The following SYT1 variants were observed in gnomAD, a reference collection of about 807,000 sequenced individuals.
SYT1 encodes synaptotagmin-1.
A neutral mutation model predicts 44.8 loss-of-function variants in SYT1; 8 were observed. The ratio of observed to expected loss-of-function variants is 0.18; its 90% CI spans 0.10 to 0.32. SYT1 has a LOEUF of 0.32. Ranked by LOEUF, SYT1 falls within the 10% of genes least tolerant of loss-of-function variation. SYT1 has a pLI of 1.00. For missense variants in SYT1, 286 were observed against 509.3 expected (o/e 0.56, Z 4.22); for synonymous variants, 154 against 188.8 (o/e 0.82, Z 1.51).
At chr12:78,973,000 C>G (rs61928067) in intron 1 of SYT1, among the ~76,000 whole-genome samples, 1 of 152,144 alleles carries the variant, frequency 6.6e-6, no homozygotes, top group South Asian at 2.1e-4. Flanking sequence ...TTAGGACAAA[C>G]GTATTTTGCT....
At chr12:79,018,918 A>G (rs1473655525) in intron 2 of SYT1, among the ~76,000 whole-genome samples, 1 of 152,068 alleles carries the variant, frequency 6.6e-6, no homozygotes, top group Non-Finnish European at 1.5e-5. Context: ...TATCTGCCTC[A>G]TAATTATTTC....
At chr12:78,946,799 T>C (rs1052732416) in intron 1 of SYT1, among the ~76,000 whole-genome samples, 2 of 152,192 alleles carry the variant, frequency 1.3e-5, no homozygotes, top group Non-Finnish European at 2.9e-5. Flanking sequence ...CCTATAACAT[T>C]ATACTAAATA....
intron 8 of SYT1, among the ~76,000 whole-genome samples, chr12:79,333,451 CACAA>C: frequency 1.3e-5 from 2 of 152,262 alleles, no homozygotes; most frequent in East Asian, 1.9e-4. Context: ...GCGGAGGAGA[CACAA>C]ACATTCACAG....
chr12:79,300,708 G>GA (rs2138882666), intron 8 of SYT1, among the ~76,000 whole-genome samples: 1 of 146,272 alleles, frequency 6.8e-6, no homozygotes, highest in South Asian at 2.2e-4. Flanking sequence ...CTTTTTTTTG[G>GA]AAAAAAGTAT....
chr12:79,316,002 C>T (rs1012736640), intron 8 of SYT1, among the ~76,000 whole-genome samples: 3 of 152,176 alleles, frequency 2.0e-5, no homozygotes, highest in Non-Finnish European at 4.4e-5. Context: ...GACCTTTTTC[C>T]TACTAACATC....
intron 3 of SYT1, among the ~76,000 whole-genome samples, chr12:79,090,113 C>A (rs944404585): frequency 6.6e-6 from 1 of 151,996 alleles, no homozygotes; most frequent in African/African-American, 2.4e-5. Context: ...ATTTACTATA[C>A]CTCCTGCTTG....
chr12:79,330,209 GGAATTGTAGCCTGCTGTTTCCTGTGCATT>G (rs1359479945), intron 8 of SYT1, among the ~76,000 whole-genome samples: 1 of 152,138 alleles, frequency 6.6e-6, no homozygotes, highest in African/African-American at 2.4e-5. Context: ...CGGTCATTCA[GGAATTGTAGCCTGCTGTTTCCTGTGCATT>G]CAGGAAGACA....
At chr12:78,933,821 G>T (rs534201212) in intron 1 of SYT1, among the ~76,000 whole-genome samples, 2 of 152,190 alleles carry the variant, frequency 1.3e-5, no homozygotes, top group South Asian at 4.1e-4. Flanking sequence ...AAGAGTGAGA[G>T]AAAAGTGAAA....
intron 9 of SYT1, among the ~76,000 whole-genome samples, chr12:79,413,968 T>C (rs1371631799): frequency 6.6e-6 from 1 of 152,188 alleles, no homozygotes; most frequent in Non-Finnish European, 1.5e-5. Context: ...ATATGCATTT[T>C]TTGTTTACAA....
chr12:79,215,940 T>G (rs1333848475), intron 3 of SYT1, among the ~76,000 whole-genome samples: 1 of 135,346 alleles, frequency 7.4e-6, no homozygotes, highest in Admixed American at 7.4e-5. Flanking sequence ...TTTTTTTTTT[T>G]TTTTTTTTGA....
At chr12:79,445,998 T>TACATATATATAC (rs1870692309) in intron 10 of SYT1, among the ~76,000 whole-genome samples, 1 of 102,558 alleles carries the variant, frequency 9.8e-6, no homozygotes, top group East Asian at 2.7e-4. Flanking sequence ...GACATATATA[T>TACATATATATAC]ATATATATAT....
At chr12:79,213,954 C>T (rs1434615403) in intron 3 of SYT1, among the ~76,000 whole-genome samples, 2 of 152,142 alleles carry the variant, frequency 1.3e-5, no homozygotes, top group African/African-American at 4.8e-5. Context: ...GAAGTCATCA[C>T]ATTAGCCAGG....
At chr12:79,136,958 G>T (rs1288152162) in intron 3 of SYT1, among the ~76,000 whole-genome samples, 2 of 152,066 alleles carry the variant, frequency 1.3e-5, no homozygotes, top group Non-Finnish European at 2.9e-5. Context: ...GCAAGGTATG[G>T]GTAGTTATTT....
At chr12:78,972,453 T>G (rs1440822097) in intron 1 of SYT1, among the ~76,000 whole-genome samples, 1 of 151,680 alleles carries the variant, frequency 6.6e-6, no homozygotes, top group Non-Finnish European at 1.5e-5. Flanking sequence ...TTAAAAATTA[T>G]GCTATGGGAA....
intron 2 of SYT1, among the ~76,000 whole-genome samples, chr12:79,002,107 A>T (rs2137533876): frequency 6.6e-6 from 1 of 152,188 alleles, no homozygotes; most frequent in East Asian, 1.9e-4. Flanking sequence ...TCCCTTTTAT[A>T]AAAAAGTATA....
At chr12:79,351,905 G>T (rs1339299212) in intron 8 of SYT1, among the ~76,000 whole-genome samples, 3 of 152,086 alleles carry the variant, frequency 2.0e-5, no homozygotes, top group Non-Finnish European at 4.4e-5. Flanking sequence ...TTTAATGATG[G>T]ATCCTGTCTT....
At chr12:79,074,230 G>T (rs555149223) in intron 3 of SYT1, among the ~76,000 whole-genome samples, 5 of 151,924 alleles carry the variant, frequency 3.3e-5, no homozygotes, top group Admixed American at 6.6e-5. Flanking sequence ...TTTGAAAATC[G>T]TCCTCTATTT....
intron 1 of SYT1, among the ~76,000 whole-genome samples, chr12:78,967,900 C>T (rs17046145): frequency 0.072 from 10,931 of 151,982 alleles, 439 homozygotes; most frequent in African/African-American, 0.1. Context: ...TGCATTGACA[C>T]GGAACCAAAA....
intron 3 of SYT1, among the ~76,000 whole-genome samples, chr12:79,107,877 A>G (rs1190378395): frequency 1.3e-5 from 2 of 152,042 alleles, no homozygotes; most frequent in Non-Finnish European, 2.9e-5. Flanking sequence ...CAATAAAACT[A>G]TAAAGCTTCA....
Sources: allele counts gnomAD v4.1 joint callset (sites outside exome capture counted in the v4.1 genomes callset), GRCh38; gene constraint gnomAD v4.1.1; transcripts MANE v1.5; gene names NCBI Gene and HGNC (gene_info 2026-07-23, HGNC 2026-07-21).